ABTB3: variants seen among roughly 807,000 people sequenced by gnomAD.
ABTB3 encodes the protein ankyrin repeat and BTB domain containing 3, also known as ankyrin repeat- and BTB/POZ domain-containing protein 3.
At chr12:107,656,579 T>G in the ABTB3 span, among the ~76,000 whole-genome samples, 1 of 152,244 alleles carries the variant, frequency 6.6e-6, no homozygotes, top group African/African-American at 2.4e-5. Context: ...GAATGAGAGC[T>G]CCAATCCCAG....
the ABTB3 span, among the ~76,000 whole-genome samples, chr12:107,616,650 G>C: frequency 3.5e-4 from 54 of 152,320 alleles, 1 homozygote; most frequent in East Asian, 9.5e-3. Flanking sequence ...AGAGTCTGTG[G>C]TTCTACGAGG....
chr12:107,381,005 G>A, the ABTB3 span, among the ~76,000 whole-genome samples: 3 of 152,060 alleles, frequency 2.0e-5, no homozygotes, highest in South Asian at 6.2e-4. Flanking sequence ...TATAAGAATG[G>A]TAGGGATGTG....
At chr12:107,430,824 A>C in the ABTB3 span, among the ~76,000 whole-genome samples, 1 of 152,236 alleles carries the variant, frequency 6.6e-6, no homozygotes, top group Non-Finnish European at 1.5e-5. Flanking sequence ...GTCATATTCA[A>C]AGATAATTGC....
the ABTB3 span, among the ~76,000 whole-genome samples, chr12:107,422,824 G>A: frequency 2.0e-5 from 3 of 152,236 alleles, no homozygotes; most frequent in African/African-American, 7.2e-5. Context: ...TTCAGGCATA[G>A]TTGGTTCCAG....
the ABTB3 span, among the ~76,000 whole-genome samples, chr12:107,608,949 AATAAAAT>A: frequency 1.1e-5 from 1 of 88,272 alleles, no homozygotes; most frequent in Non-Finnish European, 2.1e-5. Context: ...AAATAAATAA[AATAAAAT>A]ATAAAATAAA....
At chr12:107,656,167 G>C in the ABTB3 span, among the ~76,000 whole-genome samples, 2 of 151,666 alleles carry the variant, frequency 1.3e-5, no homozygotes, top group Admixed American at 1.3e-4. Flanking sequence ...CGGACATGGT[G>C]GCGCACACCT....
the ABTB3 span, among the ~76,000 whole-genome samples, chr12:107,443,591 G>A: frequency 6.6e-6 from 1 of 152,126 alleles, no homozygotes; most frequent in African/African-American, 2.4e-5. Flanking sequence ...GTGGGGAGGG[G>A]AATAGGAGAT....
At chr12:107,469,914 CTT>C in the ABTB3 span, among the ~76,000 whole-genome samples, 66 of 106,156 alleles carry the variant, frequency 6.2e-4, 1 homozygote, top group African/African-American at 1.7e-3. Flanking sequence ...TTCTTTCTTT[CTT>C]TCTTTCTCTC....
At chr12:107,320,134 G>T in the ABTB3 span, 1 of 1,365,906 alleles carries the variant, frequency 7.3e-7, no homozygotes, top group Non-Finnish European at 9.5e-7. Flanking sequence ...CTTGGCGCAA[G>T]TTTGCCTCGC....
chr12:107,342,330 G>A, the ABTB3 span, among the ~76,000 whole-genome samples: 2 of 152,202 alleles, frequency 1.3e-5, no homozygotes, highest in East Asian at 1.9e-4. Context: ...TGGGGAGAAG[G>A]AAAGGGAGAA....
chr12:107,403,174 C>G, the ABTB3 span, among the ~76,000 whole-genome samples: 1 of 152,162 alleles, frequency 6.6e-6, no homozygotes, highest in African/African-American at 2.4e-5. Context: ...CCTCCTGGCT[C>G]CCTGTGAAGT....
the ABTB3 span, among the ~76,000 whole-genome samples, chr12:107,408,429 C>T: frequency 1.3e-5 from 2 of 152,062 alleles, no homozygotes; most frequent in East Asian, 1.9e-4. Context: ...GATTGGGGAG[C>T]TTTTTGACTG....
chr12:107,432,744 C>A, the ABTB3 span, among the ~76,000 whole-genome samples: 1 of 152,284 alleles, frequency 6.6e-6, no homozygotes, highest in Admixed American at 6.5e-5. Flanking sequence ...GCTAAAAATG[C>A]AAATTCCTGG....
the ABTB3 span, among the ~76,000 whole-genome samples, chr12:107,633,091 T>G: frequency 2.0e-5 from 3 of 152,236 alleles, no homozygotes; most frequent in African/African-American, 7.2e-5. Flanking sequence ...GGTCAACTCA[T>G]GAGGAACTGC....
chr12:107,403,236 G>C, the ABTB3 span, among the ~76,000 whole-genome samples: 1 of 152,200 alleles, frequency 6.6e-6, no homozygotes, highest in African/African-American at 2.4e-5. Context: ...CCTGGTAAGG[G>C]CAGAGAAATG....
chr12:107,601,412 C>T, the ABTB3 span, among the ~76,000 whole-genome samples: 1 of 151,100 alleles, frequency 6.6e-6, no homozygotes, highest in Non-Finnish European at 1.5e-5. Context: ...TATTTAGCAC[C>T]GTGTGTGAAA....
chr12:107,382,151 G>C, the ABTB3 span, among the ~76,000 whole-genome samples: 58 of 152,326 alleles, frequency 3.8e-4, 1 homozygote, highest in South Asian at 1.5e-3. Context: ...GATGTATAAA[G>C]GTGATGGGAC....
the ABTB3 span, among the ~76,000 whole-genome samples, chr12:107,629,914 T>G: frequency 1.3e-5 from 2 of 151,952 alleles, no homozygotes; most frequent in African/African-American, 2.4e-5. Context: ...GACCTATGGA[T>G]CTCACCCCCT....
chr12:107,357,792 A>G, the ABTB3 span, among the ~76,000 whole-genome samples: 1 of 152,220 alleles, frequency 6.6e-6, no homozygotes, highest in African/African-American at 2.4e-5. Context: ...CTCAGACTAC[A>G]TGTGCTCAGC....
Sources: gnomAD v4.1 joint callset for allele counts (sites outside exome capture counted in the v4.1 genomes callset) on GRCh38, gnomAD v4.1.1 for gene constraint, MANE v1.5 for transcripts, NCBI Gene and HGNC (gene_info 2026-07-23, HGNC 2026-07-21) for gene names.